The following CCDC102B variants were observed in gnomAD, a reference collection of about 807,000 sequenced individuals.
CCDC102B encodes the protein coiled-coil domain-containing protein 102B.
A neutral mutation model predicts 57.4 loss-of-function variants in CCDC102B; 75 were observed. The ratio of observed to expected loss-of-function variants is 1.31; its 90% CI spans 1.08 to 1.58. The LOEUF is 1.58. Among genes scored for constraint, CCDC102B ranks in the 40% most tolerant of loss-of-function variants. CCDC102B has a pLI of 0.00. For synonymous variants in CCDC102B, 206 were observed against 201.9 expected (o/e 1.02, Z -0.17); for missense variants, 636 against 582.6 (o/e 1.09, Z -0.94).
At chr18:68,741,956 G>A (rs999342051) in intron 2 of CCDC102B, among the ~76,000 whole-genome samples, 1 of 152,156 alleles carries the variant, frequency 6.6e-6, no homozygotes, top group Non-Finnish European at 1.5e-5. Flanking sequence ...TACAGAGTAG[G>A]AGGAAAACGG....
At chr18:68,841,369 C>T (rs558782554) in intron 3 of CCDC102B, among the ~76,000 whole-genome samples, 15 of 152,260 alleles carry the variant, frequency 9.9e-5, no homozygotes, top group African/African-American at 3.6e-4. Flanking sequence ...GTTTTCTTTG[C>T]ACTCTGAGTA....
chr18:69,024,018 G>T (rs1313517979), intron 7 of CCDC102B, among the ~76,000 whole-genome samples: 2 of 151,050 alleles, frequency 1.3e-5, no homozygotes, highest in Non-Finnish European at 1.5e-5. Flanking sequence ...TTCCACTTAG[G>T]AAAAAATAGA....
At chr18:69,036,995 G>GTA (rs2052310185) in intron 7 of CCDC102B, among the ~76,000 whole-genome samples, 1 of 140,320 alleles carries the variant, frequency 7.1e-6, no homozygotes, top group Non-Finnish European at 1.5e-5. Context: ...TGTATGTTGT[G>GTA]TATGTGTATA....
chr18:68,893,684 G>A (rs1278562823), intron 5 of CCDC102B, among the ~76,000 whole-genome samples: 1 of 152,098 alleles, frequency 6.6e-6, no homozygotes, highest in Non-Finnish European at 1.5e-5. Flanking sequence ...TGTTGTTAAT[G>A]ATTACAATTG....
chr18:68,958,170 C>G (rs962985752), intron 6 of CCDC102B, among the ~76,000 whole-genome samples: 1 of 152,082 alleles, frequency 6.6e-6, no homozygotes, highest in Non-Finnish European at 1.5e-5. Flanking sequence ...AAAGACCTGC[C>G]CTGGTGATTC....
intron 6 of CCDC102B, among the ~76,000 whole-genome samples, chr18:68,901,381 G>T (rs540279597): frequency 9.9e-5 from 15 of 152,210 alleles, no homozygotes; most frequent in Admixed American, 5.9e-4. Context: ...TTCATGGGTG[G>T]CACACAAACA....
At chr18:68,803,600 C>T (rs557278374) in intron 1 of CCDC102B, among the ~76,000 whole-genome samples, 25 of 152,070 alleles carry the variant, frequency 1.6e-4, no homozygotes, top group Non-Finnish European at 2.9e-4. Flanking sequence ...GCCAGATGGC[C>T]GGCAGCTGCT....
At chr18:68,971,491 T>C (rs2050299293) in intron 6 of CCDC102B, among the ~76,000 whole-genome samples, 1 of 152,174 alleles carries the variant, frequency 6.6e-6, no homozygotes, top group South Asian at 2.1e-4. Flanking sequence ...GCATGATCAC[T>C]TGCTGTATTC....
intron 1 of CCDC102B, among the ~76,000 whole-genome samples, chr18:68,810,765 C>T (rs2036232787): frequency 7.1e-6 from 1 of 141,500 alleles, no homozygotes; most frequent in African/African-American, 2.6e-5. Context: ...TAGGTATACA[C>T]GTGCCATGGT....
intron 6 of CCDC102B, among the ~76,000 whole-genome samples, chr18:68,926,558 T>C (rs1476758440): frequency 6.6e-6 from 1 of 151,894 alleles, no homozygotes; most frequent in Non-Finnish European, 1.5e-5. Context: ...TAGACATAAT[T>C]GTTCAATTGA....
intron 6 of CCDC102B, among the ~76,000 whole-genome samples, chr18:68,965,200 CT>C (rs1218739671): frequency 6.6e-6 from 1 of 151,764 alleles, no homozygotes; most frequent in Non-Finnish European, 1.5e-5. Flanking sequence ...AATATTAGAC[CT>C]TTTAGGCTAG....
intron 5 of CCDC102B, among the ~76,000 whole-genome samples, chr18:68,888,926 A>T (rs1180092344): frequency 3.3e-5 from 5 of 151,962 alleles, no homozygotes. Context: ...GAACCTACTG[A>T]TGATCTTTAT....
chr18:68,764,543 A>G (rs2144595680), intron 2 of CCDC102B, among the ~76,000 whole-genome samples: 1 of 152,296 alleles, frequency 6.6e-6, no homozygotes, highest in South Asian at 2.1e-4. Context: ...AAAAACATAA[A>G]CAATAACCTT....
chr18:68,926,262 T>G (rs2145124880), intron 6 of CCDC102B, among the ~76,000 whole-genome samples: 1 of 152,026 alleles, frequency 6.6e-6, no homozygotes, highest in South Asian at 2.1e-4. Context: ...TAACTAAGAT[T>G]TAATCAAATA....
chr18:69,048,530 G>A (rs1434907348), intron 7 of CCDC102B, among the ~76,000 whole-genome samples: 1 of 151,988 alleles, frequency 6.6e-6, no homozygotes, highest in Non-Finnish European at 1.5e-5. Flanking sequence ...CTATGAATTA[G>A]GAATTATAGA....
intron 6 of CCDC102B, among the ~76,000 whole-genome samples, chr18:68,911,596 C>CAA (rs1002279069): frequency 6.7e-6 from 1 of 148,950 alleles, no homozygotes; most frequent in Admixed American, 6.7e-5. Context: ...ACTAAAAATA[C>CAA]AAAAAATTAG....
At chr18:69,007,904 T>C (rs1370469672) in intron 6 of CCDC102B, among the ~76,000 whole-genome samples, 1 of 152,220 alleles carries the variant, frequency 6.6e-6, no homozygotes, top group East Asian at 1.9e-4. Flanking sequence ...CTTTCCTCTT[T>C]CCTTGTATGA....
intron 4 of CCDC102B, among the ~76,000 whole-genome samples, chr18:68,847,274 C>G (rs1268067756): frequency 1.3e-5 from 2 of 151,560 alleles, no homozygotes; most frequent in African/African-American, 4.8e-5. Flanking sequence ...ATGGCGTTCA[C>G]AATACATTGA....
intron 6 of CCDC102B, among the ~76,000 whole-genome samples, chr18:68,988,189 A>G (rs1425040459): frequency 1.3e-5 from 2 of 152,220 alleles, no homozygotes; most frequent in East Asian, 3.9e-4. Flanking sequence ...TGGTACGTAT[A>G]CATCATGGAA....
Sources: gnomAD v4.1 joint callset for allele counts (sites outside exome capture counted in the v4.1 genomes callset) on GRCh38, gnomAD v4.1.1 for gene constraint, MANE v1.5 for transcripts, NCBI Gene and HGNC (gene_info 2026-07-23, HGNC 2026-07-21) for gene names.